Variants in ASCC3 observed in about 807,000 individuals in gnomAD.
ASCC3 encodes the protein ASC-1 complex subunit P200.
Under a neutral mutation model 256.3 loss-of-function variants are expected in ASCC3, and 158 were observed. That is an observed-to-expected ratio of 0.62 (90% CI 0.54 to 0.70). The LOEUF (loss-of-function observed/expected upper bound fraction) is 0.70. ASCC3 is among the 30% of genes least tolerant of loss of function. The probability of loss-of-function intolerance (pLI) is 0.00; values close to 1 mark genes in which losing one functional copy is unlikely to be tolerated. For missense variants in ASCC3, 2,259 were observed against 2,626.0 expected, an observed-to-expected ratio of 0.86 and a Z score of 3.05; for synonymous variants, 948 against 883.4, an observed-to-expected ratio of 1.07 and a Z score of -1.30.
At chr6:100,827,647 CT>C (rs939780621) in intron 4 of ASCC3, among the ~76,000 whole-genome samples, 2 of 152,054 alleles carry the variant, frequency 1.3e-5, no homozygotes, top group African/African-American at 4.8e-5. Context: ...AAATTTTGCC[CT>C]TTATAAATAC....
intron 36 of ASCC3, among the ~76,000 whole-genome samples, chr6:100,550,587 C>T (rs1186637100): frequency 1.3e-5 from 2 of 151,958 alleles, no homozygotes; most frequent in Non-Finnish European, 2.9e-5. Flanking sequence ...CACAGAGAAT[C>T]AGCATATCTG....
At chr6:100,749,481 G>A (rs1418849210) in intron 10 of ASCC3, among the ~76,000 whole-genome samples, 1 of 151,908 alleles carries the variant, frequency 6.6e-6, no homozygotes, top group African/African-American at 2.4e-5. Context: ...AGAAAAAATT[G>A]TGGGGTATGG....
intron 14 of ASCC3, among the ~76,000 whole-genome samples, chr6:100,665,584 A>G (rs1562210379): frequency 6.6e-6 from 1 of 151,514 alleles, no homozygotes; most frequent in Non-Finnish European, 1.5e-5. Flanking sequence ...AAACAAACAA[A>G]AAAAAAATAG....
chr6:100,760,489 T>C (rs1465157622), intron 10 of ASCC3, among the ~76,000 whole-genome samples: 4 of 152,234 alleles, frequency 2.6e-5, no homozygotes, highest in African/African-American at 4.8e-5. Flanking sequence ...AACTTGATCG[T>C]TGTGGATAAG....
intron 30 of ASCC3, among the ~76,000 whole-genome samples, chr6:100,613,704 T>C (rs1773523033): frequency 6.6e-6 from 1 of 152,114 alleles, no homozygotes; most frequent in Non-Finnish European, 1.5e-5. Context: ...AGTAGTAAAA[T>C]TGCTGGGTGG....
intron 36 of ASCC3, among the ~76,000 whole-genome samples, chr6:100,555,477 A>G (rs988834722): frequency 6.6e-6 from 1 of 152,138 alleles, no homozygotes; most frequent in African/African-American, 2.4e-5. Flanking sequence ...ATTTTTTCCA[A>G]TATAAGAAGG....
intron 13 of ASCC3, among the ~76,000 whole-genome samples, chr6:100,684,766 G>A (rs942544293): frequency 2.0e-5 from 3 of 151,022 alleles, no homozygotes; most frequent in Non-Finnish European, 4.4e-5. Flanking sequence ...TAAAAAAATC[G>A]GTAGGAATAT....
rs1000531103 is a variant in ASCC3, at chr6:100,722,806, A to G, written c.1902+2733T>C. ...TGTGGAATGTATAGATTATTGTGGTATAGCTCCCCGAATGTAAAGAAGAGC... is the reference window on the plus strand; with the variant it reads ...TGTGGAATGTATAGATTATTGTGGTGTAGCTCCCCGAATGTAAAGAAGAGC... On this transcript the variant is annotated intron_variant, in intron 11 of 41. Coordinates refer to ENST00000369162, the MANE Select transcript of ASCC3 (RefSeq NM_006828.4). Among the ~76,000 whole-genome samples, 6 of 151,838 alleles carry G rather than the reference A, an allele frequency of 4.0e-5. No homozygotes were observed. In the Admixed American group the frequency reaches 4.0e-4, roughly 10 times the overall value.
intron 14 of ASCC3, among the ~76,000 whole-genome samples, chr6:100,665,306 T>C (rs1776409513): frequency 6.6e-6 from 1 of 151,892 alleles, no homozygotes; most frequent in Admixed American, 6.6e-5. Context: ...ACTCTGTGCA[T>C]TTTTTTTATT....
chr6:100,659,119 T>C (rs1420741331), intron 16 of ASCC3, among the ~76,000 whole-genome samples: 1 of 151,442 alleles, frequency 6.6e-6, no homozygotes. Flanking sequence ...TCTCCTAAAC[T>C]AATAGTCAGA....
intron 36 of ASCC3, among the ~76,000 whole-genome samples, chr6:100,551,223 G>T (rs17060713): frequency 0.031 from 4,754 of 151,990 alleles, 250 homozygotes; most frequent in African/African-American, 0.11. Flanking sequence ...TTATGGACAG[G>T]TATACACAAT....
chr6:100,750,616 A>C (rs1241813828), intron 10 of ASCC3, among the ~76,000 whole-genome samples: 1 of 151,228 alleles, frequency 6.6e-6, no homozygotes, highest in Non-Finnish European at 1.5e-5. Context: ...ATTCTCACTA[A>C]CCAGATCTAC....
At chr6:100,565,798 C>A (rs529999333) in intron 36 of ASCC3, among the ~76,000 whole-genome samples, 1 of 152,144 alleles carries the variant, frequency 6.6e-6, no homozygotes, top group Non-Finnish European at 1.5e-5. Context: ...CTATAGCAAC[C>A]ACTTTATATC....
chr6:100,764,817 T>A (rs116707126), intron 10 of ASCC3, among the ~76,000 whole-genome samples: 1 of 152,108 alleles, frequency 6.6e-6, no homozygotes, highest in Non-Finnish European at 1.5e-5. Context: ...CTTCAACATA[T>A]AAATTGTGTT....
chr6:100,512,744 C>T lies in ASCC3; in HGVS notation c.6250G>A (p.Val2084Met). Residue 2084 changes from valine to methionine, a missense_variant, in exon 40 of 42, where the codon GTG becomes ATG. Physicochemically the swap from Val to Met is conservative, Grantham distance 21. Transcript: ENST00000369162. ...LHADQEYVLQ[V>M]SLQRVHFGFH... ...CCAAAGTGGACTCTCTGCAAGCTCA[C>T]TTGAAGCACATACTCTTGGTCAGCA... 1 of 1,614,084 alleles carries T rather than the reference C, an allele frequency of 6.2e-7. No individual in the cohort carries two copies. The highest frequency in any genetic ancestry group is 8.5e-7 in the Non-Finnish European group (1 of 1,179,970).
intron 37 of ASCC3, among the ~76,000 whole-genome samples, chr6:100,537,708 T>C (rs1775230928): frequency 6.6e-6 from 1 of 151,880 alleles, no homozygotes; most frequent in Non-Finnish European, 1.5e-5. Context: ...CTCATGTGGG[T>C]GAAGGTATAA....
chr6:100,662,420 C>A lies in ASCC3; in HGVS notation c.2403G>T (p.Gly801=), dbSNP rs1247110859. 1.9e-6 allele frequency: 3 copies of A among 1,613,308 alleles called. No individual in the cohort carries two copies. Among genetic ancestry groups the A allele is most frequent in the East Asian group, 4.5e-5 (2 of 44,836 alleles). ...CTGTACACACTAGGACTTTGATATG[C>A]CCATTAGAAAACAAGTTTTCAACTA... The part of the protein sequence containing the change: ...RNLVENLFSN[G]HIKVLVCTAT... The change falls in exon 15 of 42, where the codon GGG becomes GGT. Residue 801 remains glycine, a synonymous_variant. Coordinates refer to ENST00000369162, the MANE Select transcript of ASCC3 (RefSeq NM_006828.4).
At chr6:100,876,608 GGT>G (rs1464543290) in intron 1 of ASCC3, among the ~76,000 whole-genome samples, 9 of 152,100 alleles carry the variant, frequency 5.9e-5, no homozygotes, top group Non-Finnish European at 1.0e-4. Flanking sequence ...TAAAATTTCT[GGT>G]AAGATCACAG....
intron 10 of ASCC3, among the ~76,000 whole-genome samples, chr6:100,760,266 A>C (rs966315375): frequency 6.6e-6 from 1 of 152,158 alleles, no homozygotes; most frequent in Non-Finnish European, 1.5e-5. Context: ...TTGCCCATTC[A>C]ATATGATATT....
Sources: allele counts gnomAD v4.1 joint callset (sites outside exome capture counted in the v4.1 genomes callset), GRCh38; gene constraint gnomAD v4.1.1; transcripts MANE v1.5; gene names NCBI Gene and HGNC (gene_info 2026-07-23, HGNC 2026-07-21).